CYP3A7: variants seen among roughly 807,000 people sequenced by gnomAD.
CYP3A7 encodes the protein cytochrome P450 3A7.
In CYP3A7, 45 loss-of-function variants were observed where a neutral mutation model predicts 55.2. That is an observed-to-expected ratio of 0.82 (90% CI 0.64 to 1.05). The LOEUF is 1.05. Among genes scored for constraint, CYP3A7 ranks in the 50% least tolerant of loss-of-function variants. The pLI is 0.00. For synonymous variants in CYP3A7, 180 were observed against 207.4 expected, an observed-to-expected ratio of 0.87 and a Z score of 1.13; for missense variants, 548 against 605.3, an observed-to-expected ratio of 0.91 and a Z score of 0.99.
At chr7:99,718,258 A>T (rs1584514167) in intron 4 of CYP3A7, among the ~76,000 whole-genome samples, 1 of 152,186 alleles carries the variant, frequency 6.6e-6, no homozygotes, top group Non-Finnish European at 1.5e-5. Context: ...TGTACCCTAA[A>T]AAAAGTATAA....
intron 6 of CYP3A7, among the ~76,000 whole-genome samples, chr7:99,716,185 A>G (rs1399590865): frequency 6.6e-6 from 1 of 152,204 alleles, no homozygotes; most frequent in Non-Finnish European, 1.5e-5. Flanking sequence ...GAGATCCACT[A>G]TCAGACAACT....
At chr7:99,717,424 C>A in intron 5 of CYP3A7, 102 bp downstream of exon 5, 1 of 1,582,076 alleles carries the variant, frequency 6.3e-7, no homozygotes. Flanking sequence ...AGCTCAAATT[C>A]AGCAGACTAC....
rs548233854 is a variant in CYP3A7, at chr7:99,727,198, T to C, written c.165+3861A>G. On this transcript the variant is annotated intron_variant, in intron 2 of 12. Transcript: ENST00000336374. ...AAAGTGCAGGGCTGTGCAGCTGGAA[T>C]TCTTACACAAGGACTGGGACCGTGC... Among the ~76,000 whole-genome samples the C allele has an allele frequency of 2.0e-5, 3 of 152,318 alleles. No homozygotes were observed. In the South Asian group the frequency reaches 6.2e-4, roughly 32 times the overall value.
At chr7:99,719,333 T>C (rs1205834110) in intron 4 of CYP3A7, among the ~76,000 whole-genome samples, 1 of 152,110 alleles carries the variant, frequency 6.6e-6, no homozygotes, top group Non-Finnish European at 1.5e-5. Context: ...GAATAGCAAA[T>C]GAAAGATGCA....
chr7:99,725,672 C>T lies in CYP3A7; in HGVS notation c.166-3324G>A, dbSNP rs1446648646. On this transcript the variant is annotated intron_variant, in intron 2 of 12. Coordinates refer to ENST00000336374, the MANE Select transcript of CYP3A7 (RefSeq NM_000765.5). ...TCACATCGCCACTGCTCCTAAAGTT[C>T]CTGGAGCTCAAACCCAATGTTTCTT... Among the ~76,000 whole-genome samples the T allele has an allele frequency of 2.0e-5, 3 of 152,228 alleles. 1 individual carries two copies. The highest frequency in any genetic ancestry group is 7.2e-5 in the African/African-American group (3 of 41,456).
At position 99,705,558 on chromosome 7, in the gene CYP3A7, G is replaced by C. The variant is rs922765752; in HGVS notation, c.1454C>G (p.Thr485Arg). Reference sequence around the variant, plus strand: ...AGCCTTTAGAACAATGGGTTTTTCTGTTAGAAGAAGTCCTCCAAAGCGTAA... The same window carrying C: ...AGCCTTTAGAACAATGGGTTTTTCTCTTAGAAGAAGTCCTCCAAAGCGTAA... ...LKLRFGGLLL[T>R]EKPIVLKAES... is the part of the protein sequence containing the mutation. Residue 485 changes from threonine to arginine, a missense_variant, in exon 13 of 13, where the codon ACA (threonine) becomes AGA (arginine). By Grantham distance (71) the Thr-to-Arg change is moderately conservative. Coordinates refer to ENST00000336374, the MANE Select transcript of CYP3A7 (RefSeq NM_000765.5). The C allele has an allele frequency of 3.1e-6, 5 of 1,613,496 alleles. No individual in the cohort carries two copies. The African/African-American group carries it at 6.7e-5, about 22-fold the overall frequency.
intron 4 of CYP3A7, 125 bp downstream of exon 4, chr7:99,720,188 A>C: frequency 8.6e-7 from 1 of 1,168,232 alleles, no homozygotes; most frequent in South Asian, 1.4e-5. Flanking sequence ...GGGGATGGGC[A>C]GGATGAAGTG....
intron 9 of CYP3A7, 84 bp downstream of exon 9, chr7:99,713,385 C>A (rs192523756): frequency 1.3e-6 from 2 of 1,591,192 alleles, no homozygotes; most frequent in African/African-American, 1.3e-5. Flanking sequence ...TCTCATCTAC[C>A]TGGAATACTT....
chr7:99,719,630 T>TA (rs747208930), intron 4 of CYP3A7, among the ~76,000 whole-genome samples: 10 of 151,850 alleles, frequency 6.6e-5, no homozygotes, highest in African/African-American at 1.9e-4. Context: ...CTCCTCAAAA[T>TA]AAAAAAAGTT....
chr7:99,717,856 A>G (rs1053377253), intron 4 of CYP3A7, among the ~76,000 whole-genome samples: 12 of 152,206 alleles, frequency 7.9e-5, no homozygotes, highest in Non-Finnish European at 1.6e-4. Flanking sequence ...TTTTACATGC[A>G]AATTCTCCAC....
chr7:99,707,838 AG>A lies in CYP3A7; in HGVS notation c.1389del (p.Ser464ProfsTer12). ...TGTGTTTCTTTACAAGGTTTGAAGG[AG>A]AAGTTCTGAAGGACTCTGACTAGAG... is the stretch of plus-strand genomic sequence containing the variant. ...KLALVRVLQN[F>X]SFKPCKETQI... On this transcript the variant is annotated frameshift_variant, in exon 12 of 13. Coordinates refer to ENST00000336374, the MANE Select transcript of CYP3A7 (RefSeq NM_000765.5). LOFTEE classifies it low-confidence loss of function (END_TRUNC). The A allele has an allele frequency of 6.2e-7, 1 of 1,613,990 alleles. No individual in the cohort carries two copies. Among genetic ancestry groups the A allele is most frequent in the South Asian group, 1.1e-5 (1 of 91,082 alleles).
intron 10 of CYP3A7, among the ~76,000 whole-genome samples, chr7:99,710,429 C>A (rs142161150): frequency 2.0e-5 from 3 of 152,256 alleles, no homozygotes; most frequent in Non-Finnish European, 4.4e-5. Flanking sequence ...ACTATCAAGA[C>A]GTGTGAGCAA....
At chr7:99,728,225 T>A (rs1814487317) in intron 2 of CYP3A7, among the ~76,000 whole-genome samples, 1 of 152,354 alleles carries the variant, frequency 6.6e-6, no homozygotes, top group African/African-American at 2.4e-5. Context: ...TTTCATGACC[T>A]CTTCCATGTA....
Position 99,715,789 on chromosome 7 carries a change from A to G in CYP3A7, c.639T>C (p.Phe213=). Residue 213 remains phenylalanine (F), a synonymous_variant, in exon 7 of 13, where the codon TTT becomes TTC. Coordinates refer to ENST00000336374, the MANE Select transcript of CYP3A7 (RefSeq NM_000765.5). ...AGAGAACGAATGGATCTAATGGATT[A>G]AATCTTAAAAGCTTCTTGGTGTTTT... The part of the protein sequence containing the change: ...FVENTKKLLR[F]NPLDPFVLSI... The G allele has an allele frequency of 6.2e-7, 1 of 1,613,910 alleles. No homozygotes were observed. Among genetic ancestry groups the G allele is most frequent in the East Asian group, 2.2e-5 (1 of 44,878 alleles).
intron 8 of CYP3A7, 39 bp from the exon 9 acceptor site, chr7:99,713,574 C>G (rs1813834325): frequency 1.2e-6 from 2 of 1,612,276 alleles, no homozygotes; most frequent in African/African-American, 1.3e-5. Context: ...CAGAAAGTGA[C>G]TCGTGAAGTC....
intron 2 of CYP3A7, among the ~76,000 whole-genome samples, chr7:99,729,337 T>A (rs1318875753): frequency 6.6e-6 from 1 of 152,170 alleles, no homozygotes; most frequent in African/African-American, 2.4e-5. Context: ...CTATTCCTTG[T>A]AACTCATTAT....
In CYP3A7 at chr7:99,731,042, A is replaced by G. The variant is rs759676280; in HGVS notation, c.165+17T>C. On this transcript the variant is annotated intron_variant, in intron 2 of 12. Coordinates refer to ENST00000336374, the MANE Select transcript of CYP3A7 (RefSeq NM_000765.5). ...TGCAATCATAAGAAGCAAAAGAGGA[A>G]GCTCAAAAACACTCACCTTACGGAA... The G allele has an allele frequency of 6.2e-7, 1 of 1,613,376 alleles. No homozygotes were observed. Among genetic ancestry groups the G allele is most frequent in the East Asian group, 2.2e-5 (1 of 44,814 alleles).
Position 99,717,180 on chromosome 7 carries a change from T to A in CYP3A7, c.518A>T (p.Lys173Ile), listed in dbSNP as rs1267263583. The A allele has an allele frequency of 6.2e-7, 1 of 1,613,830 alleles. No homozygotes were observed. The highest frequency in any genetic ancestry group is 1.1e-5 in the South Asian group (1 of 91,082). ...CCATGGCTGTGCTCCTACTTACTGT[T>A]TCAAGGTGACAGGCTTGCCTGTCTC... ...EAETGKPVTL[K>I]HVFGAYSMDV... Residue 173 changes from lysine to isoleucine, a missense_variant, in exon 6 of 13, where the codon AAA becomes ATA. Physicochemically the swap from Lys to Ile is moderately radical, Grantham distance 102 (BLOSUM62 -3). Transcript: ENST00000336374.
At chr7:99,708,345 G>A (rs143270445) in intron 11 of CYP3A7, among the ~76,000 whole-genome samples, 9 of 152,234 alleles carry the variant, frequency 5.9e-5, no homozygotes, top group African/African-American at 2.2e-4. Context: ...CCTTATGTTG[G>A]TCATGAGGAA....
Sources: allele counts gnomAD v4.1 joint callset (sites outside exome capture counted in the v4.1 genomes callset), GRCh38; gene constraint gnomAD v4.1.1; transcripts MANE v1.5; gene names NCBI Gene and HGNC (gene_info 2026-07-23, HGNC 2026-07-21).